WHRN: variants seen among roughly 807,000 people sequenced by gnomAD.
The protein encoded by WHRN is whirlin.
WHRN carries 41 observed loss-of-function variants against 68.3 expected under a neutral mutation model. The ratio of observed to expected loss-of-function variants is 0.60; its 90% confidence interval spans 0.47 to 0.78. The LOEUF is 0.78. Ranked by LOEUF, WHRN falls within the 30% of genes least tolerant of loss-of-function variation. WHRN has a pLI of 0.00. For synonymous variants in WHRN, 560 were observed against 561.3 expected (o/e 1.00, Z 0.03); for missense variants, 1,243 against 1,244.7 (o/e 1.00, Z 0.02).
intron 1 of WHRN, among the ~76,000 whole-genome samples, chr9:114,486,897 T>A (rs1212266591): frequency 1.7e-5 from 2 of 114,326 alleles, no homozygotes; most frequent in Non-Finnish European, 3.5e-5. Flanking sequence ...TGTGTGTGTG[T>A]GTGTGTGTAG....
At chr9:114,419,062 A>C (rs967132847) in intron 7 of WHRN, among the ~76,000 whole-genome samples, 1 of 152,174 alleles carries the variant, frequency 6.6e-6, no homozygotes, top group East Asian at 1.9e-4. Flanking sequence ...TAGATGACGA[A>C]ATGATGCTTA....
Position 114,504,443 on chromosome 9 carries a change from G to A in WHRN, c.359C>T (p.Thr120Ile), listed in dbSNP as rs1432097308. The change falls in exon 1 of 12, where the codon ACC (threonine) becomes ATC (isoleucine). Residue 120 changes from threonine to isoleucine, a missense_variant. Thr to Ile is a moderately conservative substitution (Grantham distance 89). Transcript: ENST00000362057. The stretch of plus-strand genomic sequence containing the variant: ...GCCCCAGGCGGGCTGCCTGTAGGGG[G>A]TGGTGGCGGGCAGGTAGAGGCCCTC... ...TAEGLYLPATTPYRQPAWGGP... is the reference protein window; with the variant it reads ...TAEGLYLPATIPYRQPAWGGP... 3 of 1,607,374 alleles carry A rather than the reference G, an allele frequency of 1.9e-6. No individual in the cohort carries two copies. Among genetic ancestry groups the A allele is most frequent in the Middle Eastern group, 1.6e-4 (1 of 6,062 alleles).
chr9:114,477,695 T>C (rs556118415), intron 2 of WHRN, among the ~76,000 whole-genome samples: 19 of 152,294 alleles, frequency 1.2e-4, no homozygotes, highest in African/African-American at 4.3e-4. Flanking sequence ...ATCCCCCTAC[T>C]GCAGGCTGCA....
chr9:114,460,008 A>T (rs1279636981), intron 3 of WHRN, among the ~76,000 whole-genome samples: 2 of 152,284 alleles, frequency 1.3e-5, no homozygotes, highest in East Asian at 3.9e-4. Context: ...TGTTCCAAGG[A>T]GCCTCAGCCA....
At chr9:114,471,645 C>CG (rs35825466) in intron 2 of WHRN, among the ~76,000 whole-genome samples, 1 of 152,222 alleles carries the variant, frequency 6.6e-6, no homozygotes, top group Admixed American at 6.5e-5. Flanking sequence ...TGCCTTGCCA[C>CG]GGAGCCTCGA....
intron 7 of WHRN, among the ~76,000 whole-genome samples, chr9:114,422,013 T>C (rs1836333490): frequency 1.3e-5 from 2 of 151,954 alleles, no homozygotes; most frequent in African/African-American, 4.8e-5. Flanking sequence ...ACACTAGGAG[T>C]TGGAGCTTGC....
intron 3 of WHRN, among the ~76,000 whole-genome samples, chr9:114,450,356 G>A (rs891560178): frequency 1.3e-4 from 20 of 152,130 alleles, no homozygotes; most frequent in African/African-American, 3.6e-4. Context: ...GATTAGCCTC[G>A]AGTTTATTCC....
chr9:114,403,023 C>G, intron 11 of WHRN, 87 bp from the exon 12 acceptor site: 11 of 1,541,180 alleles, frequency 7.1e-6, no homozygotes, highest in Non-Finnish European at 9.7e-6. Context: ...CCAACACTGC[C>G]AAGCAGGCAG....
At chr9:114,481,184 C>T (rs989568086) in intron 1 of WHRN, among the ~76,000 whole-genome samples, 2 of 152,192 alleles carry the variant, frequency 1.3e-5, no homozygotes, top group African/African-American at 4.8e-5. Flanking sequence ...CCTGGCTAGG[C>T]AAGGCCTGCG....
At chr9:114,444,765 T>A (rs1433829419) in intron 3 of WHRN, among the ~76,000 whole-genome samples, 1 of 151,818 alleles carries the variant, frequency 6.6e-6, no homozygotes, top group Admixed American at 6.6e-5. Context: ...AAGGTCTTTC[T>A]CACATGAAGG....
intron 3 of WHRN, among the ~76,000 whole-genome samples, chr9:114,448,582 G>A (rs960839736): frequency 6.6e-6 from 1 of 152,052 alleles, no homozygotes; most frequent in African/African-American, 2.4e-5. Context: ...CTGAAACTGG[G>A]CCATCAAAAG....
chr9:114,436,799 A>G (rs911129481), intron 3 of WHRN, among the ~76,000 whole-genome samples: 1 of 152,206 alleles, frequency 6.6e-6, no homozygotes, highest in African/African-American at 2.4e-5. Flanking sequence ...ACTGCACTCC[A>G]GCCTGGGTGA....
At chr9:114,494,027 AC>A (rs2133352556) in intron 1 of WHRN, among the ~76,000 whole-genome samples, 1 of 151,980 alleles carries the variant, frequency 6.6e-6, no homozygotes, top group Non-Finnish European at 1.5e-5. Flanking sequence ...TAGTCCCACC[AC>A]CCCTGACTGT....
rs543441052 is a variant in WHRN at position 114,450,117 on chromosome 9, G to GA, written c.963+16149dup. ...GCACTCCCGAGGGCATGGCTCATTA[G>GA]AAAAAACCCACTCCAGCAAAAGGGG... On this transcript the variant is annotated intron_variant, in intron 3 of 11. Coordinates refer to ENST00000362057, the MANE Select transcript of WHRN (RefSeq NM_015404.4). 7.9e-5 allele frequency among the ~76,000 whole-genome samples: 12 copies of GA among 152,162 alleles called. No individual in the cohort carries two copies. In the South Asian group the frequency reaches 2.3e-3, roughly 29 times the overall value.
At chr9:114,454,997 G>A (rs1535968) in intron 3 of WHRN, among the ~76,000 whole-genome samples, 114,009 of 152,050 alleles carry the variant, frequency 0.75, 42,900 homozygotes, top group East Asian at 0.96. Context: ...TAGAACAATT[G>A]GCTGTCTATA....
intron 6 of WHRN, 138 bp from the exon 7 acceptor site, chr9:114,423,661 C>G: frequency 1.2e-6 from 1 of 822,198 alleles, no homozygotes; most frequent in Non-Finnish European, 1.9e-6. Flanking sequence ...CCAGTGCTCT[C>G]AAGAGAAAGG....
intron 1 of WHRN, among the ~76,000 whole-genome samples, chr9:114,494,349 C>G (rs1016449719): frequency 7.2e-5 from 11 of 152,322 alleles, no homozygotes; most frequent in African/African-American, 2.6e-4. Context: ...TAGATGCACC[C>G]AGTGCTTTAA....
chr9:114,404,840 A>G (rs1466312164), intron 9 of WHRN, among the ~76,000 whole-genome samples: 3 of 151,996 alleles, frequency 2.0e-5, no homozygotes, highest in African/African-American at 7.2e-5. Context: ...CAGGGAATAG[A>G]CTTGTGCTAG....
At chr9:114,431,942 G>C (rs1358694909) in intron 3 of WHRN, among the ~76,000 whole-genome samples, 1 of 152,224 alleles carries the variant, frequency 6.6e-6, no homozygotes, top group Non-Finnish European at 1.5e-5. Flanking sequence ...AGCTCACTGG[G>C]ACAGGACGTG....
Sources: gnomAD v4.1 joint callset for allele counts (sites outside exome capture counted in the v4.1 genomes callset) on GRCh38, gnomAD v4.1.1 for gene constraint, MANE v1.5 for transcripts, NCBI Gene and HGNC (gene_info 2026-07-23, HGNC 2026-07-21) for gene names.